Variants in GINS4 observed in about 807,000 individuals in gnomAD.
GINS4 encodes DNA replication complex GINS protein SLD5.
In GINS4, 20 loss-of-function variants were observed where a neutral mutation model predicts 31.1. That is an observed-to-expected ratio of 0.64 (90% CI 0.45 to 0.93). The LOEUF is 0.93. Ranked by LOEUF, GINS4 falls within the 40% of genes least tolerant of loss-of-function variation. The probability of loss-of-function intolerance (pLI) is 0.00; values close to 1 mark genes in which losing one functional copy is unlikely to be tolerated. For synonymous variants in GINS4, 85 were observed against 97.9 expected (o/e 0.87, Z 0.78); for missense variants, 245 against 273.9 (o/e 0.89, Z 0.75).
intron 2 of GINS4, chr8:41,534,378 A>G (rs1261635233): frequency 5.2e-6 from 1 of 192,740 alleles, no homozygotes; most frequent in Non-Finnish European, 1.1e-5. Context: ...CTGTGTGACC[A>G]GAAACCAGAT....
At chr8:41,541,948 G>A in intron 7 of GINS4, 43 bp from the exon 8 acceptor site, 2 of 1,610,326 alleles carry the variant, frequency 1.2e-6, no homozygotes, top group Non-Finnish European at 1.7e-6. Context: ...CCGATGGAGG[G>A]CCAGCCGAGC....
At chr8:41,532,076 A>AG (rs1806655085) in intron 2 of GINS4, among the ~76,000 whole-genome samples, 1 of 152,234 alleles carries the variant, frequency 6.6e-6, no homozygotes, top group South Asian at 2.1e-4. Context: ...AAGTGCTGGG[A>AG]TTACAGGCAT....
rs567604694 is a variant in GINS4, at chr8:41,538,404, A to T, written c.297+1111A>T. ...TATTAAGCTGGTAGTAATGCCAACC[A>T]CATCACATTAGCATATTTATCACAT... On this transcript the variant is annotated intron_variant, in intron 4 of 7. Transcript: ENST00000276533. Among the ~76,000 whole-genome samples, 4 of 152,324 alleles carry T rather than the reference A, an allele frequency of 2.6e-5. No individual in the cohort carries two copies. In the South Asian group the frequency reaches 8.3e-4, roughly 32 times the overall value.
chr8:41,536,563 C>A (rs2150459284), intron 3 of GINS4, 117 bp downstream of exon 3: 1 of 636,850 alleles, frequency 1.6e-6, no homozygotes, highest in East Asian at 2.6e-5. Context: ...ACTCACAGTC[C>A]AGTTCTTTAA....
At chr8:41,540,988 G>C (rs1230930213) in intron 6 of GINS4, among the ~76,000 whole-genome samples, 1 of 152,082 alleles carries the variant, frequency 6.6e-6, no homozygotes, top group African/African-American at 2.4e-5. Flanking sequence ...AGACTCTCAG[G>C]CTACTTTTAT....
At chr8:41,534,765 C>G (rs1806711393) in intron 2 of GINS4, among the ~76,000 whole-genome samples, 1 of 151,428 alleles carries the variant, frequency 6.6e-6, no homozygotes, top group Non-Finnish European at 1.5e-5. Flanking sequence ...TGGAGTCTTG[C>G]TCTGTTGCCC....
At chr8:41,537,573 A>C (rs35299855) in intron 4 of GINS4, 74,990 of 323,636 alleles carry the variant, frequency 0.23, 8,972 homozygotes, top group Middle Eastern at 0.31. Flanking sequence ...TGGCAGTGCT[A>C]AAGGGAGAGT....
Position 41,542,000 on chromosome 8 carries a change from G to C in GINS4, c.585G>C (p.Val195=). The C allele has an allele frequency of 6.2e-7, 1 of 1,614,124 alleles. No individual in the cohort carries two copies. Among genetic ancestry groups the C allele is most frequent in the South Asian group, 1.1e-5 (1 of 91,080 alleles). The change falls in exon 8 of 8, where the codon GTG becomes GTC. Residue 195 remains valine, a synonymous_variant. Coordinates refer to ENST00000276533, the MANE Select transcript of GINS4 (RefSeq NM_032336.3). ...TTTCCCTCTTTTTCAGGGACTACGT[G>C]ATTGACCTGGAGAAGGGCTCACAGC... ...EPDTDEQRDY[V]IDLEKGSQHL...
At position 41,539,955 on chromosome 8, in the gene GINS4, C is replaced by G. The variant is rs906806301; in HGVS notation, c.435C>G (p.Ala145=). 1.5e-5 allele frequency: 25 copies of G among 1,614,092 alleles called. No homozygotes were observed. The highest frequency in any genetic ancestry group is 2.7e-5 in the African/African-American group (2 of 74,936). Residue 145 remains alanine (A), a synonymous_variant, in exon 6 of 8, where the codon GCC becomes GCG. Coordinates refer to ENST00000276533, the MANE Select transcript of GINS4 (RefSeq NM_032336.3). The part of the protein sequence containing the change: ...ANTESYLKNV[A]LKHMPPNLQK... ...CAGAGTCCTATCTGAAAAATGTCGC[C>G]TTGAAGCACATGCCCCCTAACTTAC...
chr8:41,543,517 A>C lies in GINS4; in HGVS notation c.*1430A>C, dbSNP rs759426531. ...AGAGTCTCACAGTGATGCCGGAAGGAAGGATGTATAGGCAGTGAATGAATG... is the reference window on the plus strand; with the variant it reads ...AGAGTCTCACAGTGATGCCGGAAGGCAGGATGTATAGGCAGTGAATGAATG... On this transcript the variant is annotated 3_prime_UTR_variant, in exon 8 of 8. Transcript: ENST00000276533. 2 of 152,212 alleles carry C rather than the reference A, an allele frequency of 1.3e-5. No homozygotes were observed. The highest frequency in any genetic ancestry group is 2.9e-5 in the Non-Finnish European group (2 of 68,030). 9.4% of individuals were successfully genotyped at this position (152,212 alleles called of 1,614,324 possible).
chr8:41,536,596 A>G (rs1362564146), intron 3 of GINS4, 150 bp downstream of exon 3: 2 of 605,076 alleles, frequency 3.3e-6, no homozygotes, highest in Non-Finnish European at 5.9e-6. Flanking sequence ...TTAGTTATCT[A>G]TGTTTATCAA....
At chr8:41,536,264 G>A (rs1806739047) in intron 2 of GINS4, 96 bp from the exon 3 acceptor site, 2 of 777,542 alleles carry the variant, frequency 2.6e-6, no homozygotes, top group Non-Finnish European at 4.7e-6. Flanking sequence ...TTTCTTGCCT[G>A]CGCCATCCCT....
At chr8:41,530,351 C>A (rs1355950458) in intron 2 of GINS4, 53 bp downstream of exon 2, 2 of 1,276,746 alleles carry the variant, frequency 1.6e-6, no homozygotes, top group South Asian at 1.2e-5. Flanking sequence ...TTATTTAGTT[C>A]AACTGTGAAT....
chr8:41,536,860 A>G (rs1433074644), intron 3 of GINS4, among the ~76,000 whole-genome samples: 1 of 152,230 alleles, frequency 6.6e-6, no homozygotes, highest in South Asian at 2.1e-4. Context: ...GAGAAGCTGT[A>G]AAATGTGGAT....
Position 41,544,863 on chromosome 8 carries a change from G to A in GINS4, c.*2776G>A, listed in dbSNP as rs533944377. ...TGGCCCGGGGACCACATTGAATGAC[G>A]GCTCTACGTCCTCATGCCTCCAGCT... is the stretch of plus-strand genomic sequence containing the variant. On this transcript the variant is annotated 3_prime_UTR_variant, in exon 8 of 8. Transcript: ENST00000276533. 2.6e-5 allele frequency: 4 copies of A among 152,230 alleles called. No individual in the cohort carries two copies. Among genetic ancestry groups the A allele is most frequent in the East Asian group, 1.9e-4 (1 of 5,176 alleles). 9.4% of individuals were successfully genotyped at this position (152,230 alleles called of 1,614,324 possible).
chr8:41,539,599 A>C, intron 4 of GINS4, 79 bp from the exon 5 acceptor site: 2 of 1,027,346 alleles, frequency 1.9e-6, no homozygotes, highest in Non-Finnish European at 3.0e-6. Flanking sequence ...AGGGTTGTGT[A>C]AACCCTCTTT....
chr8:41,540,709 T>A (rs775566032), intron 6 of GINS4, among the ~76,000 whole-genome samples: 48 of 152,134 alleles, frequency 3.2e-4, no homozygotes, highest in Non-Finnish European at 6.5e-4. Flanking sequence ...AAGCAAGACC[T>A]CCTCAGGCAA....
At chr8:41,538,371 AT>A (rs1408497214) in intron 4 of GINS4, among the ~76,000 whole-genome samples, 2 of 151,880 alleles carry the variant, frequency 1.3e-5, no homozygotes, top group African/African-American at 4.8e-5. Flanking sequence ...CATTTCTCTT[AT>A]TCTGGTTATT....
intron 2 of GINS4, among the ~76,000 whole-genome samples, chr8:41,532,482 GGAGTTT>G (rs1023564984): frequency 2.6e-5 from 4 of 152,118 alleles, no homozygotes; most frequent in African/African-American, 7.2e-5. Flanking sequence ...TTTGAACCCA[GGAGTTT>G]GAGACCATCC....
Sources: allele counts gnomAD v4.1 joint callset (sites outside exome capture counted in the v4.1 genomes callset), GRCh38; gene constraint gnomAD v4.1.1; transcripts MANE v1.5; gene names NCBI Gene and HGNC (gene_info 2026-07-23, HGNC 2026-07-21).